Variants in CILK1 observed in about 807,000 individuals in gnomAD.
CILK1 encodes serine/threonine-protein kinase ICK.
A neutral mutation model predicts 79.2 loss-of-function variants in CILK1; 47 were observed. The observed-to-expected ratio is 0.59, with a 90% confidence interval of 0.47 to 0.76. The LOEUF is 0.76. Among genes scored for constraint, CILK1 ranks in the 30% least tolerant of loss-of-function variants. The pLI is 0.00. For synonymous variants in CILK1, 266 were observed against 275.9 expected (o/e 0.96, Z 0.36); for missense variants, 660 against 769.5 (o/e 0.86, Z 1.68).
intron 5 of CILK1, among the ~76,000 whole-genome samples, chr6:53,026,689 C>T (rs971082916): frequency 4.9e-4 from 74 of 152,254 alleles, no homozygotes; most frequent in African/African-American, 1.7e-3. Context: ...GCAATGTGAC[C>T]TATAACAATA....
intron 4 of CILK1, among the ~76,000 whole-genome samples, chr6:53,031,859 G>A (rs1765985240): frequency 6.6e-6 from 1 of 151,984 alleles, no homozygotes; most frequent in African/African-American, 2.4e-5. Flanking sequence ...TTGAGATGGA[G>A]TTTCGCCGTT....
At chr6:53,050,732 G>C (rs1294183776) in intron 1 of CILK1, among the ~76,000 whole-genome samples, 1 of 151,928 alleles carries the variant, frequency 6.6e-6, no homozygotes, top group Non-Finnish European at 1.5e-5. Context: ...TGGGGCTGAG[G>C]TGGGAGGATT....
intron 1 of CILK1, among the ~76,000 whole-genome samples, chr6:53,047,611 G>A (rs1186902721): frequency 6.6e-5 from 10 of 150,808 alleles, no homozygotes; most frequent in Non-Finnish European, 1.0e-4. Flanking sequence ...CTGGCCTCAC[G>A]CAGGAGTTTG....
At chr6:53,006,726 T>C (rs1250025490) in intron 12 of CILK1, among the ~76,000 whole-genome samples, 1 of 152,234 alleles carries the variant, frequency 6.6e-6, no homozygotes, top group Non-Finnish European at 1.5e-5. Context: ...TTCTTTATTT[T>C]CTTTTGTAAA....
intron 13 of CILK1, among the ~76,000 whole-genome samples, chr6:53,005,632 A>G (rs1449393815): frequency 2.0e-5 from 3 of 152,010 alleles, no homozygotes; most frequent in African/African-American, 7.3e-5. Context: ...AGCTAGCATC[A>G]TTTCTTACCT....
intron 5 of CILK1, among the ~76,000 whole-genome samples, chr6:53,028,039 C>G (rs539553418): frequency 6.6e-6 from 1 of 151,562 alleles, no homozygotes; most frequent in East Asian, 2.0e-4. Flanking sequence ...CCCAGCTACT[C>G]AGGAGGCTGA....
intron 8 of CILK1, among the ~76,000 whole-genome samples, chr6:53,015,466 T>C (rs993001375): frequency 6.6e-6 from 1 of 152,254 alleles, no homozygotes; most frequent in African/African-American, 2.4e-5. Flanking sequence ...CTATTTGAAC[T>C]AATTAATGGA....
Position 53,005,103 on chromosome 6 carries a change from G to C in CILK1, c.*46C>G, listed in dbSNP as rs767102937. The stretch of plus-strand genomic sequence containing the variant: ...TAGAACACCAGTCAGCTGAGGGAAA[G>C]TATCCTGCTTCTCCCTAGGAAGAGA... On this transcript the variant is annotated 3_prime_UTR_variant, in exon 14 of 14. Coordinates refer to ENST00000676107, the MANE Select transcript of CILK1 (RefSeq NM_014920.5). 5.0e-5 allele frequency: 81 copies of C among 1,607,222 alleles called. No homozygotes were observed. Among genetic ancestry groups the C allele is most frequent in the Non-Finnish European group, 6.7e-5 (79 of 1,174,948 alleles).
At position 53,019,952 on chromosome 6, in the gene CILK1, G is replaced by A. The variant is rs146293528; in HGVS notation, c.359-593C>T. 3.8e-3 allele frequency among the ~76,000 whole-genome samples: 575 copies of A among 151,826 alleles called. 2 individuals are homozygous for A. Among genetic ancestry groups the A allele is most frequent in the African/African-American group, 0.013 (556 of 41,390 alleles). ...CTCCCAAAGTATTGGGATTATAAGT[G>A]TGAGCCACCATGCCCGGCCCAGATA... On this transcript the variant is annotated intron_variant, in intron 5 of 13. Coordinates refer to ENST00000676107, the MANE Select transcript of CILK1 (RefSeq NM_014920.5).
Position 53,041,126 on chromosome 6 carries a change from T to A in CILK1, c.101+10A>T. 6.4e-7 allele frequency: 1 copy of A among 1,573,802 alleles called. No homozygotes were observed. On this transcript the variant is annotated intron_variant, in intron 2 of 13. Transcript: ENST00000676107. ...TTAAAATTATCATGGCAGTGAAGGA[T>A]CAAACTTACTTTTTAATAGCGATCA...
chr6:53,004,861 T>C lies in CILK1; in HGVS notation c.*288A>G, dbSNP rs953493073. The C allele has an allele frequency of 1.0e-5, 3 of 287,178 alleles. No individual in the cohort carries two copies. The highest frequency in any genetic ancestry group is 5.6e-5 in the South Asian group (1 of 17,700). The allele number at this position is 287,178 out of a possible 1,614,324, so 17.8% of individuals were successfully genotyped here. ...AAAGTTCATTACAAAGTTGACTGTATAAAATGCTAAAACATAATCCATATA... is the reference window on the plus strand; with the variant it reads ...AAAGTTCATTACAAAGTTGACTGTACAAAATGCTAAAACATAATCCATATA... On this transcript the variant is annotated 3_prime_UTR_variant, in exon 14 of 14. Transcript: ENST00000676107.
chr6:53,042,397 C>T (rs775325661), intron 1 of CILK1, among the ~76,000 whole-genome samples: 6 of 152,190 alleles, frequency 3.9e-5, no homozygotes, highest in Non-Finnish European at 5.9e-5. Flanking sequence ...GTTCTATACA[C>T]TTGAGCTACA....
At chr6:53,021,160 A>G (rs1011395476) in intron 5 of CILK1, among the ~76,000 whole-genome samples, 2 of 152,082 alleles carry the variant, frequency 1.3e-5, no homozygotes, top group African/African-American at 4.8e-5. Context: ...CATCTCTACT[A>G]AAAATATTTT....
chr6:53,028,014 G>A (rs1765686879), intron 5 of CILK1, among the ~76,000 whole-genome samples: 1 of 152,202 alleles, frequency 6.6e-6, no homozygotes. Flanking sequence ...GGGTGTGGTG[G>A]CATGCGCCTG....
intron 2 of CILK1, among the ~76,000 whole-genome samples, chr6:53,038,368 A>G (rs9474371): frequency 0.048 from 7,248 of 152,248 alleles, 429 homozygotes; most frequent in African/African-American, 0.13. Context: ...GGTAGCCACT[A>G]GACACATGTG....
rs755662870 is a variant in CILK1 at position 53,016,187 on chromosome 6, G to T, written c.727C>A (p.Pro243Thr). The T allele has an allele frequency of 6.2e-7, 1 of 1,613,982 alleles. No homozygotes were observed. Among genetic ancestry groups the T allele is most frequent in the East Asian group, 2.2e-5 (1 of 44,880 alleles). ...GGAATCAAGGTCTTTAAGTTATTGGGTACACACTGTGGCCAACGGAAGTTC... is the reference window on the plus strand; with the variant it reads ...GGAATCAAGGTCTTTAAGTTATTGGTTACACACTGTGGCCAACGGAAGTTC... Reference protein sequence around the residue: ...AMNFRWPQCVPNNLKTLIPNA... With the variant: ...AMNFRWPQCVTNNLKTLIPNA... The change falls in exon 8 of 14, where the codon CCC (proline) becomes ACC (threonine). Residue 243 changes from proline to threonine, a missense_variant. Coordinates refer to ENST00000676107, the MANE Select transcript of CILK1 (RefSeq NM_014920.5).
chr6:53,012,448 G>T (rs993365851), intron 9 of CILK1, among the ~76,000 whole-genome samples: 1 of 152,092 alleles, frequency 6.6e-6, no homozygotes, highest in African/African-American at 2.4e-5. Context: ...TGTTAAAGTT[G>T]TATAAAATAA....
At chr6:53,033,628 C>T (rs1442608479) in intron 3 of CILK1, among the ~76,000 whole-genome samples, 1 of 152,098 alleles carries the variant, frequency 6.6e-6, no homozygotes, top group Non-Finnish European at 1.5e-5. Context: ...TAGCCCTTTC[C>T]TCATACATAG....
At chr6:53,052,138 T>C (rs1053664006) in intron 1 of CILK1, 2 of 152,134 alleles carry the variant, frequency 1.3e-5, no homozygotes, top group African/African-American at 4.8e-5. Flanking sequence ...TGCTTATGAG[T>C]GAGAACATGC....
Sources: allele counts gnomAD v4.1 joint callset (sites outside exome capture counted in the v4.1 genomes callset), GRCh38; gene constraint gnomAD v4.1.1; transcripts MANE v1.5; gene names NCBI Gene and HGNC (gene_info 2026-07-23, HGNC 2026-07-21).